Variants in CPA6 observed in about 807,000 individuals in gnomAD.
CPA6 encodes the protein carboxypeptidase A6.
A neutral mutation model predicts 63.3 loss-of-function variants in CPA6; 58 were observed. The ratio of observed to expected loss-of-function variants is 0.92; its 90% CI spans 0.74 to 1.14. CPA6 has a LOEUF of 1.14. Ranked by LOEUF, CPA6 falls within the 50% of genes most tolerant of loss-of-function variation. The pLI, the probability that CPA6 is intolerant of heterozygous loss-of-function variation, is 0.00. For missense variants in CPA6, 565 were observed against 526.6 expected, an observed-to-expected ratio of 1.07 and a Z score of -0.71; for synonymous variants, 185 against 179.0, an observed-to-expected ratio of 1.03 and a Z score of -0.27.
chr8:67,595,356 T>C (rs984399071), intron 2 of CPA6, among the ~76,000 whole-genome samples: 2 of 152,234 alleles, frequency 1.3e-5, no homozygotes, highest in Non-Finnish European at 2.9e-5. Context: ...GAGGAGGCAG[T>C]CTGCCCGTTC....
intron 2 of CPA6, among the ~76,000 whole-genome samples, chr8:67,591,695 A>G (rs1257948648): frequency 1.3e-5 from 2 of 152,024 alleles, no homozygotes; most frequent in African/African-American, 4.8e-5. Context: ...TTTGTCTGTT[A>G]TTGGTGTATA....
At chr8:67,427,807 T>G in intron 10 of CPA6, among the ~76,000 whole-genome samples, 1 of 152,232 alleles carries the variant, frequency 6.6e-6, no homozygotes, top group East Asian at 1.9e-4. Flanking sequence ...AATGAGCTTG[T>G]AGTCGTTACT....
chr8:67,428,321 A>G (rs1195100206), intron 9 of CPA6, among the ~76,000 whole-genome samples, 190 bp from the exon 10 acceptor site: 3 of 152,172 alleles, frequency 2.0e-5, no homozygotes, highest in Non-Finnish European at 4.4e-5. Context: ...ACATCATTTC[A>G]TTGATCTCAC....
At chr8:67,698,820 AATGAAAT>A (rs1313771683) in intron 1 of CPA6, among the ~76,000 whole-genome samples, 5 of 152,184 alleles carry the variant, frequency 3.3e-5, no homozygotes, top group African/African-American at 1.2e-4. Context: ...CTGATATCAC[AATGAAAT>A]TAACTGAGAA....
At chr8:67,532,331 C>A (rs982056625) in intron 2 of CPA6, among the ~76,000 whole-genome samples, 1 of 151,768 alleles carries the variant, frequency 6.6e-6, no homozygotes, top group African/African-American at 2.4e-5. Context: ...AATGTAGATT[C>A]ATCAAATAAA....
chr8:67,496,075 T>C (rs1811704558), intron 6 of CPA6, among the ~76,000 whole-genome samples: 1 of 152,208 alleles, frequency 6.6e-6, no homozygotes, highest in Non-Finnish European at 1.5e-5. Context: ...AACTTCTCAG[T>C]CAAGGCTGGA....
intron 1 of CPA6, among the ~76,000 whole-genome samples, chr8:67,670,290 C>T (rs1182442500): frequency 6.6e-6 from 1 of 152,150 alleles, no homozygotes; most frequent in Non-Finnish European, 1.5e-5. Flanking sequence ...GAGGGGGAAG[C>T]AGGCAGGTCT....
chr8:67,496,519 T>TTATATATATATGTATATATATATATATG (rs1811714878), intron 6 of CPA6, among the ~76,000 whole-genome samples: 2 of 94,142 alleles, frequency 2.1e-5, no homozygotes, highest in African/African-American at 1.0e-4. Context: ...ACTATATAGT[T>TTATATATATATGTATATATATATATATG]TATATATATA....
At chr8:67,448,838 A>G (rs915652688) in intron 8 of CPA6, among the ~76,000 whole-genome samples, 1 of 151,978 alleles carries the variant, frequency 6.6e-6, no homozygotes, top group African/African-American at 2.4e-5. Context: ...TTTTGTACAT[A>G]TATAATGTTA....
At chr8:67,703,982 G>A (rs1817080422) in intron 1 of CPA6, among the ~76,000 whole-genome samples, 1 of 152,114 alleles carries the variant, frequency 6.6e-6, no homozygotes, top group Non-Finnish European at 1.5e-5. Context: ...CCCACTTTGG[G>A]AGGAAGGGAA....
intron 1 of CPA6, among the ~76,000 whole-genome samples, chr8:67,669,582 T>C (rs1483445163): frequency 6.6e-6 from 1 of 152,232 alleles, no homozygotes; most frequent in African/African-American, 2.4e-5. Context: ...AATCATTCTA[T>C]TAATTAGTAT....
rs145592930 is a variant in CPA6, at chr8:67,741,236, C to T, written c.116+4778G>A. ...CAGACCCAGTACAAGTAGATTAATA[C>T]GAGCATATTACTTGGTTCCAGTCCC... On this transcript the variant is annotated intron_variant, in intron 1 of 10. Coordinates refer to ENST00000297770, the MANE Select transcript of CPA6 (RefSeq NM_020361.5). 4.1e-3 allele frequency among the ~76,000 whole-genome samples: 628 copies of T among 152,272 alleles called. 5 individuals carry two copies. The highest frequency in any genetic ancestry group is 0.015 in the African/African-American group (604 of 41,548).
At chr8:67,589,320 T>G (rs1208757220) in intron 2 of CPA6, among the ~76,000 whole-genome samples, 1 of 152,178 alleles carries the variant, frequency 6.6e-6, no homozygotes, top group Non-Finnish European at 1.5e-5. Context: ...AAGGACTTTG[T>G]GCAAATGAAA....
intron 2 of CPA6, among the ~76,000 whole-genome samples, chr8:67,559,499 T>C (rs1202063769): frequency 1.3e-5 from 2 of 152,148 alleles, no homozygotes; most frequent in Non-Finnish European, 2.9e-5. Flanking sequence ...CTCTCCTTTC[T>C]AGGGTAGAGG....
intron 1 of CPA6, among the ~76,000 whole-genome samples, chr8:67,685,834 G>A (rs911923506): frequency 6.6e-6 from 1 of 152,116 alleles, no homozygotes; most frequent in Non-Finnish European, 1.5e-5. Flanking sequence ...CACTGTTTCT[G>A]CCTGGAATGT....
intron 2 of CPA6, among the ~76,000 whole-genome samples, chr8:67,620,444 G>C (rs531324337): frequency 6.6e-6 from 1 of 152,128 alleles, no homozygotes; most frequent in African/African-American, 2.4e-5. Context: ...TTAGAATTCT[G>C]TCTATCACAG....
intron 8 of CPA6, among the ~76,000 whole-genome samples, chr8:67,441,690 G>A (rs1268388587): frequency 6.6e-6 from 1 of 152,106 alleles, no homozygotes; most frequent in East Asian, 1.9e-4. Context: ...ATGATGTTGA[G>A]AAACTAGTAC....
Position 67,607,187 on chromosome 8 carries a change from T to C in CPA6, c.192+16989A>G, listed in dbSNP as rs528013692. On this transcript the variant is annotated intron_variant, in intron 2 of 10. Transcript: ENST00000297770. Reference sequence around the variant, plus strand: ...CTTCTTCCTCTTCTTCTTCTTCTTCTTCTTCTTCTTCTTCTTCTTCTTCTT... The same window carrying C: ...CTTCTTCCTCTTCTTCTTCTTCTTCCTCTTCTTCTTCTTCTTCTTCTTCTT... Among the ~76,000 whole-genome samples the C allele has an allele frequency of 2.1e-3, 75 of 35,356 alleles. 3 individuals carry two copies. The highest frequency in any genetic ancestry group is 3.9e-3 in the East Asian group (4 of 1,022). The allele number at this position is 35,356 out of a possible 152,430, so 23.2% of individuals were successfully genotyped here. A position where few individuals can be genotyped will look rare whatever the true frequency, so the allele number is the denominator to read the frequency against.
chr8:67,722,023 T>C (rs936788578), intron 1 of CPA6, among the ~76,000 whole-genome samples: 2 of 152,366 alleles, frequency 1.3e-5, no homozygotes, highest in African/African-American at 4.8e-5. Flanking sequence ...TGAATGTTTC[T>C]GTACCTCACT....
Sources: allele counts gnomAD v4.1 joint callset (sites outside exome capture counted in the v4.1 genomes callset), GRCh38; gene constraint gnomAD v4.1.1; transcripts MANE v1.5; gene names NCBI Gene and HGNC (gene_info 2026-07-23, HGNC 2026-07-21).